Variants in NEK11 observed in about 807,000 individuals in gnomAD.
NEK11 encodes the protein NIMA related kinase 11, also known as serine/threonine-protein kinase Nek11.
Under a neutral mutation model 80.7 loss-of-function variants are expected in NEK11, and 72 were observed. The ratio of observed to expected loss-of-function variants is 0.89; its 90% CI spans 0.74 to 1.08. NEK11 has a LOEUF of 1.08. NEK11 is among the 50% of genes least tolerant of loss of function. NEK11 has a pLI of 0.00. For missense variants in NEK11, 764 were observed against 763.6 expected, an observed-to-expected ratio of 1.00 and a Z score of -0.01; for synonymous variants, 251 against 260.7, an observed-to-expected ratio of 0.96 and a Z score of 0.36.
intron 6 of NEK11, 50 bp downstream of exon 6, chr3:131,132,859 A>G (rs1452367507): frequency 5.1e-6 from 4 of 783,066 alleles, no homozygotes; most frequent in Non-Finnish European, 8.3e-6. Flanking sequence ...AGTATATTCT[A>G]GATATTATCA....
intron 16 of NEK11, among the ~76,000 whole-genome samples, chr3:131,264,418 T>G (rs962459257): frequency 8.5e-5 from 13 of 152,248 alleles, no homozygotes; most frequent in East Asian, 5.8e-4. Flanking sequence ...TCCAGTTTCA[T>G]CTTTCTGCAT....
In NEK11 at chr3:131,080,589, G is replaced by A; in HGVS notation, c.336+1G>A. 1.2e-6 allele frequency: 2 copies of A among 1,604,572 alleles called. No homozygotes were observed. Among genetic ancestry groups the A allele is most frequent in the Non-Finnish European group, 1.7e-6 (2 of 1,177,390 alleles). On this transcript the variant is annotated splice_donor_variant, in intron 4 of 17. Coordinates refer to ENST00000383366, the MANE Select transcript of NEK11 (RefSeq NM_024800.5). LOFTEE classifies it high-confidence loss of function. ...CTGCATTATCACGGAGTACTGTGAG[G>A]TGAGACTCTCCTTTTCTCTTGGAAG...
intron 15 of NEK11, among the ~76,000 whole-genome samples, chr3:131,236,507 C>G (rs2095433610): frequency 6.6e-6 from 1 of 152,118 alleles, no homozygotes; most frequent in African/African-American, 2.4e-5. Flanking sequence ...AGAACCTGGG[C>G]ATTAATAAGA....
intron 14 of NEK11, among the ~76,000 whole-genome samples, chr3:131,191,882 T>A (rs528863849): frequency 1.3e-5 from 2 of 152,124 alleles, no homozygotes; most frequent in East Asian, 3.9e-4. Context: ...ACATTGGATA[T>A]GACAGTAATT....
intron 17 of NEK11, among the ~76,000 whole-genome samples, chr3:131,290,963 GT>G (rs1452878589): frequency 6.6e-6 from 1 of 152,114 alleles, no homozygotes; most frequent in Non-Finnish European, 1.5e-5. Flanking sequence ...AAAGTCTACA[GT>G]TAACTTTAAG....
intron 5 of NEK11, among the ~76,000 whole-genome samples, chr3:131,118,230 A>G (rs1192025074): frequency 1.3e-5 from 2 of 152,164 alleles, no homozygotes; most frequent in Admixed American, 6.5e-5. Flanking sequence ...TATTGAGATA[A>G]TCATGTGGTT....
At chr3:131,330,638 C>T (rs1244267050) in intron 17 of NEK11, 1 of 152,166 alleles carries the variant, frequency 6.6e-6, no homozygotes, top group African/African-American at 2.4e-5. Flanking sequence ...AGTCTGTCAT[C>T]ATTGTTACTG....
chr3:131,080,334 G>A lies in NEK11; in HGVS notation c.171-89G>A. The A allele has an allele frequency of 4.4e-6, 4 of 912,212 alleles. No homozygotes were observed. In the South Asian group the frequency reaches 7.1e-5, roughly 16 times the overall value. The allele number at this position is 912,212 out of a possible 1,614,324, so 56.5% of individuals were successfully genotyped here. ...GATATATGAGTAGGTCACAACCTGG[G>A]CATTAATTAATGGCTCTGTACCACT... is the stretch of plus-strand genomic sequence containing the variant. On this transcript the variant is annotated intron_variant, in intron 3 of 17. Transcript: ENST00000383366.
intron 5 of NEK11, among the ~76,000 whole-genome samples, chr3:131,117,993 A>G (rs2081590001): frequency 1.3e-5 from 2 of 152,178 alleles, no homozygotes; most frequent in Admixed American, 6.6e-5. Flanking sequence ...TCCCCTGACC[A>G]GAACTTCCAA....
At chr3:131,240,202 A>G (rs2095499979) in intron 15 of NEK11, among the ~76,000 whole-genome samples, 1 of 152,132 alleles carries the variant, frequency 6.6e-6, no homozygotes, top group African/African-American at 2.4e-5. Context: ...CTCCTTTCTC[A>G]GAATCTTTAT....
intron 17 of NEK11, among the ~76,000 whole-genome samples, chr3:131,323,968 AC>A (rs1212904442): frequency 6.6e-6 from 1 of 152,176 alleles, no homozygotes; most frequent in Non-Finnish European, 1.5e-5. Flanking sequence ...CATCCTAATT[AC>A]AGGCAGTTTG....
At chr3:131,088,727 A>T (rs1181113140) in intron 4 of NEK11, among the ~76,000 whole-genome samples, 1 of 151,316 alleles carries the variant, frequency 6.6e-6, no homozygotes, top group Non-Finnish European at 1.5e-5. Context: ...TGAAAAAAAT[A>T]CTAACTAAAC....
intron 3 of NEK11, among the ~76,000 whole-genome samples, chr3:131,046,206 G>T (rs1258854041): frequency 1.3e-5 from 2 of 152,116 alleles, no homozygotes; most frequent in African/African-American, 4.8e-5. Context: ...GGTCCTGTGA[G>T]ATTTATGCTT....
intron 17 of NEK11, among the ~76,000 whole-genome samples, chr3:131,296,720 TTACATATGTG>T (rs1428124707): frequency 1.3e-4 from 20 of 152,142 alleles, no homozygotes; most frequent in Admixed American, 1.2e-3. Context: ...TGCAGGTTAG[TTACATATGTG>T]TACATGTGCC....
At chr3:131,207,744 G>T (rs1249315695) in intron 14 of NEK11, among the ~76,000 whole-genome samples, 8 of 152,104 alleles carry the variant, frequency 5.3e-5, no homozygotes, top group Admixed American at 2.6e-4. Context: ...TCATGTGACT[G>T]TTGGCTGCAT....
intron 4 of NEK11, among the ~76,000 whole-genome samples, chr3:131,106,868 C>A (rs948850573): frequency 3.3e-5 from 5 of 151,930 alleles, no homozygotes; most frequent in Non-Finnish European, 7.4e-5. Flanking sequence ...AAAATTTTAG[C>A]CAGGTGCCAA....
intron 3 of NEK11, among the ~76,000 whole-genome samples, chr3:131,063,215 G>A (rs1267137603): frequency 3.3e-5 from 5 of 151,982 alleles, no homozygotes; most frequent in African/African-American, 9.7e-5. Flanking sequence ...TATAGAGAGG[G>A]GGTCTCACTA....
chr3:131,241,819 G>A (rs1003578204), intron 15 of NEK11, among the ~76,000 whole-genome samples: 1 of 152,060 alleles, frequency 6.6e-6, no homozygotes, highest in African/African-American at 2.4e-5. Flanking sequence ...AGAGATAGAT[G>A]TATATAGAAA....
chr3:131,031,828 A>C (rs1441962394), intron 3 of NEK11, among the ~76,000 whole-genome samples: 1 of 152,240 alleles, frequency 6.6e-6, no homozygotes, highest in Non-Finnish European at 1.5e-5. Context: ...ATTTGGCACC[A>C]GAAGGTCTAG....
Sources: allele counts gnomAD v4.1 joint callset (sites outside exome capture counted in the v4.1 genomes callset), GRCh38; gene constraint gnomAD v4.1.1; transcripts MANE v1.5; gene names NCBI Gene and HGNC (gene_info 2026-07-23, HGNC 2026-07-21).